Variants in SPHKAP observed in about 807,000 individuals in gnomAD.
SPHKAP encodes the protein A-kinase anchor protein SPHKAP.
A neutral mutation model predicts 137.5 loss-of-function variants in SPHKAP; 67 were observed. That is an observed-to-expected ratio of 0.49 (90% CI 0.40 to 0.60). The LOEUF (loss-of-function observed/expected upper bound fraction) is 0.60, where lower values mean the gene tolerates loss of function less well. Ranked by LOEUF, SPHKAP falls within the 20% of genes least tolerant of loss-of-function variation. The pLI, the probability that SPHKAP is intolerant of heterozygous loss-of-function variation, is 0.00. For missense variants in SPHKAP, 2,097 were observed against 2,069.3 expected (o/e 1.01, Z -0.26); for synonymous variants, 813 against 785.3 (o/e 1.04, Z -0.59).
intron 3 of SPHKAP, among the ~76,000 whole-genome samples, chr2:228,034,876 T>C (rs1559359640): frequency 1.3e-5 from 2 of 152,032 alleles, no homozygotes; most frequent in South Asian, 2.1e-4. Context: ...TGATGGGACA[T>C]ATCTCAAAAT....
chr2:228,015,625 G>A (rs140561071), intron 7 of SPHKAP, among the ~76,000 whole-genome samples: 13 of 152,248 alleles, frequency 8.5e-5, no homozygotes, highest in East Asian at 1.9e-4. Flanking sequence ...ATTACCTTGC[G>A]TCAAATTCAA....
intron 7 of SPHKAP, among the ~76,000 whole-genome samples, chr2:227,999,066 A>T (rs1000033602): frequency 7.9e-5 from 12 of 152,244 alleles, no homozygotes; most frequent in Admixed American, 6.5e-5. Flanking sequence ...AAAAGTTCTC[A>T]TATAGAGAGC....
intron 2 of SPHKAP, among the ~76,000 whole-genome samples, chr2:228,111,225 G>A (rs1275177042): frequency 2.0e-5 from 3 of 152,136 alleles, no homozygotes; most frequent in Non-Finnish European, 4.4e-5. Context: ...TGGTCTAACT[G>A]AGTTGAAATC....
chr2:228,176,097 A>C (rs1396257614), intron 1 of SPHKAP, among the ~76,000 whole-genome samples: 1 of 152,240 alleles, frequency 6.6e-6, no homozygotes, highest in Non-Finnish European at 1.5e-5. Flanking sequence ...TAAAGCACAG[A>C]GTAGGTAAGC....
chr2:227,993,650 C>A, intron 8 of SPHKAP, 30 bp from the exon 9 acceptor site: 2 of 1,521,948 alleles, frequency 1.3e-6, no homozygotes, highest in South Asian at 1.2e-5. Flanking sequence ...CATATTAATG[C>A]CCGTCTCCAC....
intron 1 of SPHKAP, among the ~76,000 whole-genome samples, chr2:228,175,075 G>C (rs1174013023): frequency 6.7e-6 from 1 of 150,308 alleles, no homozygotes; most frequent in East Asian, 1.9e-4. Context: ...ATATCCAAGA[G>C]CTGTATTCTA....
intron 7 of SPHKAP, among the ~76,000 whole-genome samples, chr2:228,004,862 T>G (rs1034262728): frequency 1.6e-4 from 24 of 152,310 alleles, no homozygotes; most frequent in Admixed American, 1.4e-3. Flanking sequence ...TGTAGTTGAT[T>G]GGTTTTGAGT....
At chr2:228,030,933 G>T (rs1461659277) in intron 3 of SPHKAP, among the ~76,000 whole-genome samples, 1 of 152,166 alleles carries the variant, frequency 6.6e-6, no homozygotes, top group Non-Finnish European at 1.5e-5. Context: ...AACAGCTCTG[G>T]TCTACAGCTC....
At chr2:228,127,069 T>C (rs1053262335) in intron 2 of SPHKAP, among the ~76,000 whole-genome samples, 1 of 152,172 alleles carries the variant, frequency 6.6e-6, no homozygotes, top group Non-Finnish European at 1.5e-5. Context: ...TGAAATGAGT[T>C]TGGGGAATTG....
chr2:228,091,168 T>C (rs1056689684), intron 3 of SPHKAP, among the ~76,000 whole-genome samples: 11 of 151,802 alleles, frequency 7.2e-5, no homozygotes, highest in African/African-American at 2.7e-4. Flanking sequence ...AAAAACAGAT[T>C]AAAAATAAAA....
chr2:228,119,494 C>T (rs1698841679), intron 2 of SPHKAP, among the ~76,000 whole-genome samples: 1 of 151,856 alleles, frequency 6.6e-6, no homozygotes, highest in African/African-American at 2.4e-5. Context: ...CTCTCTCTCT[C>T]TCATGCTGGA....
At chr2:228,127,468 C>T (rs1480838414) in intron 2 of SPHKAP, among the ~76,000 whole-genome samples, 3 of 152,118 alleles carry the variant, frequency 2.0e-5, no homozygotes, top group Admixed American at 2.0e-4. Flanking sequence ...TACACAGTTA[C>T]TAAATTGTCT....
chr2:228,180,860 G>A (rs73997219), intron 1 of SPHKAP, among the ~76,000 whole-genome samples: 18 of 152,274 alleles, frequency 1.2e-4, no homozygotes, highest in Admixed American at 9.8e-4. Flanking sequence ...ACAGGAGAAA[G>A]AAACACACCC....
chr2:228,124,141 G>A (rs1418235484), intron 2 of SPHKAP, among the ~76,000 whole-genome samples: 4 of 152,138 alleles, frequency 2.6e-5, no homozygotes, highest in Non-Finnish European at 5.9e-5. Context: ...TGATGGGACT[G>A]TCAACTAGTT....
intron 4 of SPHKAP, among the ~76,000 whole-genome samples, chr2:228,026,726 G>T (rs933062516): frequency 6.6e-6 from 1 of 152,050 alleles, no homozygotes; most frequent in East Asian, 1.9e-4. Flanking sequence ...TTTGGGGCTC[G>T]GTGAAAATTT....
chr2:228,005,485 G>T (rs1166181672), intron 7 of SPHKAP, among the ~76,000 whole-genome samples: 1 of 152,028 alleles, frequency 6.6e-6, no homozygotes. Context: ...CACACTGATG[G>T]GTCTTGACTC....
intron 2 of SPHKAP, among the ~76,000 whole-genome samples, chr2:228,114,259 C>A (rs1364898164): frequency 6.6e-6 from 1 of 152,072 alleles, no homozygotes; most frequent in Non-Finnish European, 1.5e-5. Context: ...TTAGGAAGAT[C>A]CTTTTGCTCT....
chr2:228,033,755 T>G (rs1695455105), intron 3 of SPHKAP, among the ~76,000 whole-genome samples: 1 of 152,194 alleles, frequency 6.6e-6, no homozygotes, highest in South Asian at 2.1e-4. Flanking sequence ...ACATGGAAAC[T>G]GAACAACCTG....
intron 1 of SPHKAP, among the ~76,000 whole-genome samples, chr2:228,162,133 T>C (rs1314456564): frequency 6.6e-6 from 1 of 152,228 alleles, no homozygotes; most frequent in Non-Finnish European, 1.5e-5. Context: ...GAAATAACCC[T>C]TGAGCCATGT....
Sources: allele counts gnomAD v4.1 joint callset (sites outside exome capture counted in the v4.1 genomes callset), GRCh38; gene constraint gnomAD v4.1.1; transcripts MANE v1.5; gene names NCBI Gene and HGNC (gene_info 2026-07-23, HGNC 2026-07-21).